KCNJ1: variants seen among roughly 807,000 people sequenced by gnomAD.
KCNJ1 encodes the protein ATP-sensitive inward rectifier potassium channel 1.
In KCNJ1, 24 loss-of-function variants were observed where a neutral mutation model predicts 21.9. That is an observed-to-expected ratio of 1.10 (90% CI 0.79 to 1.54). KCNJ1 has a LOEUF of 1.54. Among genes scored for constraint, KCNJ1 ranks in the 40% most tolerant of loss-of-function variants. The probability of loss-of-function intolerance (pLI) is 0.00; values close to 1 mark genes in which losing one functional copy is unlikely to be tolerated. For missense variants in KCNJ1, 457 were observed against 455.4 expected (o/e 1.00, Z -0.03); for synonymous variants, 152 against 160.9 (o/e 0.94, Z 0.42).
At position 128,842,515 on chromosome 11, in the gene KCNJ1, G is replaced by A; in HGVS notation, c.-21-2251C>T. 6 of 1,599,214 alleles carry A rather than the reference G, an allele frequency of 3.8e-6. No homozygotes were observed. The South Asian group carries it at 6.7e-5, about 18-fold the overall frequency. ...TAATTTATTGTAGGCGACAGTCAGT[G>A]GACTGACGCTAATTTGTGTAAACTT... On this transcript the variant is annotated intron_variant, in intron 2 of 2. Transcript: ENST00000392666.
intron 1 of KCNJ1, among the ~76,000 whole-genome samples, chr11:128,863,149 G>A (rs1051996811): frequency 1.3e-5 from 2 of 152,190 alleles, no homozygotes; most frequent in Non-Finnish European, 2.9e-5. Flanking sequence ...GTATTAACCT[G>A]TTGCTTTCAA....
At chr11:128,863,873 G>C (rs950136523) in intron 1 of KCNJ1, among the ~76,000 whole-genome samples, 1 of 152,088 alleles carries the variant, frequency 6.6e-6, no homozygotes, top group African/African-American at 2.4e-5. Context: ...TAAGAGCATC[G>C]TTCTTTTTTC....
At position 128,839,649 on chromosome 11, in the gene KCNJ1, T is replaced by A. The variant is rs1565522098; in HGVS notation, c.595A>T (p.Lys199Ter). The change falls in exon 3 of 3, where the codon AAG becomes TAG. Residue 199 changes from lysine (K) to a stop codon, truncating the protein, a stop_gained. Coordinates refer to ENST00000392666, the MANE Select transcript of KCNJ1 (RefSeq NM_153766.3). LOFTEE classifies it high-confidence loss of function. ...ATGTGACTGCCAATAAGAAGGCTCT[T>A]CCTGAGATTAGCCACTCGGATTAGG... Reference protein sequence around the residue: ...CLLIRVANLRKSLLIGSHIYG... With the variant: ...CLLIRVANLR The A allele has an allele frequency of 6.2e-7, 1 of 1,613,692 alleles. No homozygotes were observed. Among genetic ancestry groups the A allele is most frequent in the Non-Finnish European group, 8.5e-7 (1 of 1,180,028 alleles).
At chr11:128,840,432 A>C (rs1453313040) in intron 2 of KCNJ1, among the ~76,000 whole-genome samples, 168 bp from the exon 3 acceptor site, 2 of 152,214 alleles carry the variant, frequency 1.3e-5, no homozygotes, top group Non-Finnish European at 2.9e-5. Flanking sequence ...GCTATTTCTG[A>C]TAGAAACTTT....
At chr11:128,845,587 A>C (rs1751286352) in intron 2 of KCNJ1, among the ~76,000 whole-genome samples, 1 of 152,142 alleles carries the variant, frequency 6.6e-6, no homozygotes, top group African/African-American at 2.4e-5. Context: ...GTAGACAGAG[A>C]GTGGCATTTC....
At chr11:128,854,577 C>T (rs1943548681) in intron 1 of KCNJ1, among the ~76,000 whole-genome samples, 1 of 152,158 alleles carries the variant, frequency 6.6e-6, no homozygotes, top group East Asian at 1.9e-4. Flanking sequence ...TGGGTGACAA[C>T]AGGGCACAGA....
intron 1 of KCNJ1, chr11:128,866,448 C>T (rs547635773): frequency 5.1e-5 from 23 of 454,030 alleles, no homozygotes; most frequent in African/African-American, 3.2e-4. Flanking sequence ...TTGCTGGTTG[C>T]GAAAGACCAA....
At chr11:128,842,697 T>C (rs996078029) in intron 2 of KCNJ1, among the ~76,000 whole-genome samples, 6 of 152,206 alleles carry the variant, frequency 3.9e-5, no homozygotes, top group Middle Eastern at 3.2e-3. Context: ...AGCTAAGGTC[T>C]CTGGGCAGCA....
At chr11:128,866,685 G>T (rs1943821225) in intron 1 of KCNJ1, 1 of 192,008 alleles carries the variant, frequency 5.2e-6, no homozygotes, top group Non-Finnish European at 9.6e-6. Flanking sequence ...AAAGACATTT[G>T]GGTGAAGGTA....
In KCNJ1 at chr11:128,861,478, G is replaced by T. The variant is rs573010501; in HGVS notation, c.-192+5695C>A. On this transcript the variant is annotated intron_variant, in intron 1 of 2. Coordinates refer to ENST00000392666, the MANE Select transcript of KCNJ1 (RefSeq NM_153766.3). Reference sequence around the variant, plus strand: ...TGGGACCTCAGACAGAAAGGAAGCTGCAAGGGAGCTTGTACCCAGTGATCA... The same window carrying T: ...TGGGACCTCAGACAGAAAGGAAGCTTCAAGGGAGCTTGTACCCAGTGATCA... Among the ~76,000 whole-genome samples the T allele has an allele frequency of 8.9e-4, 135 of 152,292 alleles. 2 individuals are homozygous for T. The highest frequency in any genetic ancestry group is 3.2e-3 in the African/African-American group (132 of 41,558).
rs750854043 is a variant in KCNJ1 at position 128,839,530 on chromosome 11, A to G, written c.714T>C (p.Asn238=). ...ININFVVDAG[N]ENLFFISPLT... ...ATGGGGAGATGAAGAATAAATTTTC[A>G]TTCCCAGCGTCAACTACAAAGTTGA... is the stretch of plus-strand genomic sequence containing the variant. The change falls in exon 3 of 3, where the codon AAT becomes AAC. Residue 238 remains asparagine, a synonymous_variant. Coordinates refer to ENST00000392666, the MANE Select transcript of KCNJ1 (RefSeq NM_153766.3). 1 of 1,614,188 alleles carries G rather than the reference A, an allele frequency of 6.2e-7. No individual in the cohort carries two copies. The highest frequency in any genetic ancestry group is 1.1e-5 in the South Asian group (1 of 91,084).
At chr11:128,854,235 C>T (rs937830584) in intron 1 of KCNJ1, among the ~76,000 whole-genome samples, 4 of 152,240 alleles carry the variant, frequency 2.6e-5, no homozygotes, top group Non-Finnish European at 4.4e-5. Context: ...TCTCTCGGCT[C>T]TCCTGGGAGC....
intron 2 of KCNJ1, among the ~76,000 whole-genome samples, chr11:128,845,371 G>C (rs1943360960): frequency 6.6e-6 from 1 of 152,220 alleles, no homozygotes; most frequent in African/African-American, 2.4e-5. Context: ...TTGGGTGGGT[G>C]TTGGGCTTGT....
chr11:128,844,476 C>A (rs991407631), intron 2 of KCNJ1, among the ~76,000 whole-genome samples: 1 of 152,188 alleles, frequency 6.6e-6, no homozygotes, highest in African/African-American at 2.4e-5. Flanking sequence ...CTGAAGTCTC[C>A]TCCATTTAAC....
chr11:128,838,862 A>C lies in KCNJ1; in HGVS notation c.*263T>G. The stretch of plus-strand genomic sequence containing the variant: ...TCCAATCCACCTTATATGAGCTCAA[A>C]TAATCATATTTAAGATTTCAAGAGA... On this transcript the variant is annotated 3_prime_UTR_variant, in exon 3 of 3. Coordinates refer to ENST00000392666, the MANE Select transcript of KCNJ1 (RefSeq NM_153766.3). 1 of 500,396 alleles carries C rather than the reference A, an allele frequency of 2.0e-6. No homozygotes were observed. Among genetic ancestry groups the C allele is most frequent in the Non-Finnish European group, 3.6e-6 (1 of 280,150 alleles). 31.0% of individuals were successfully genotyped at this position (500,396 alleles called of 1,614,324 possible). A position where few individuals can be genotyped will look rare whatever the true frequency, so the allele number is the denominator to read the frequency against.
chr11:128,839,362 G>C lies in KCNJ1; in HGVS notation c.882C>G (p.Ser294=). Residue 294 remains serine (S), a synonymous_variant, in exon 3 of 3, where the codon TCC becomes TCG. Transcript: ENST00000392666. Reference sequence around the variant, plus strand: ...CCCAAAGCACCTCCTCTGGGACATAGGATGTCCGGACTTGGCAGGTAGCAC... The same window carrying C: ...CCCAAAGCACCTCCTCTGGGACATACGATGTCCGGACTTGGCAGGTAGCAC... ...STSATCQVRT[S]YVPEEVLWGY... 6.2e-7 allele frequency: 1 copy of C among 1,614,154 alleles called. No homozygotes were observed. The highest frequency in any genetic ancestry group is 8.5e-7 in the Non-Finnish European group (1 of 1,179,994).
intron 1 of KCNJ1, among the ~76,000 whole-genome samples, chr11:128,852,845 G>A (rs1288726340): frequency 1.3e-5 from 2 of 152,242 alleles, no homozygotes; most frequent in African/African-American, 4.8e-5. Context: ...CAGGAAGGGG[G>A]GCATCCCCCT....
chr11:128,853,858 T>G lies in KCNJ1; in HGVS notation c.-191-2968A>C, dbSNP rs73025210. Reference sequence around the variant, plus strand: ...CCTGAAGGCACCACCATCAGAATGATTTTCTCTGCCACAAGAGCTTGGAGT... The same window carrying G: ...CCTGAAGGCACCACCATCAGAATGAGTTTCTCTGCCACAAGAGCTTGGAGT... On this transcript the variant is annotated intron_variant, in intron 1 of 2. Transcript: ENST00000392666. 3.5e-3 allele frequency among the ~76,000 whole-genome samples: 532 copies of G among 152,296 alleles called. 1 individual carries two copies. Among genetic ancestry groups the G allele is most frequent in the South Asian group, 0.02 (96 of 4,828 alleles).
At chr11:128,847,736 G>A (rs538258219) in intron 2 of KCNJ1, among the ~76,000 whole-genome samples, 8 of 152,328 alleles carry the variant, frequency 5.3e-5, no homozygotes, top group South Asian at 2.1e-4. Context: ...GCCTGAACCC[G>A]GGCAGGGTGT....
Sources: allele counts gnomAD v4.1 joint callset (sites outside exome capture counted in the v4.1 genomes callset), GRCh38; gene constraint gnomAD v4.1.1; transcripts MANE v1.5; gene names NCBI Gene and HGNC (gene_info 2026-07-23, HGNC 2026-07-21).